Variants in KCNJ6 observed in about 807,000 individuals in gnomAD.
The protein encoded by KCNJ6 is potassium inwardly rectifying channel subfamily J member 6.
In KCNJ6, 9 loss-of-function variants were observed where a neutral mutation model predicts 34.2. The observed-to-expected ratio is 0.26, with a 90% CI of 0.16 to 0.46. KCNJ6 has a LOEUF of 0.46. Ranked by LOEUF, KCNJ6 falls within the 20% of genes least tolerant of loss-of-function variation. The pLI is 1.00. For synonymous variants in KCNJ6, 196 were observed against 207.1 expected (o/e 0.95, Z 0.46); for missense variants, 236 against 531.3 (o/e 0.44, Z 5.46).
At chr21:37,815,557 C>G (rs370236111) in intron 2 of KCNJ6, among the ~76,000 whole-genome samples, 1 of 152,148 alleles carries the variant, frequency 6.6e-6, no homozygotes, top group African/African-American at 2.4e-5. Flanking sequence ...CAGGGCTGAG[C>G]CCCCATAGTG....
chr21:37,754,249 G>A (rs1360773346), intron 2 of KCNJ6, among the ~76,000 whole-genome samples: 2 of 152,190 alleles, frequency 1.3e-5, no homozygotes, highest in East Asian at 3.9e-4. Flanking sequence ...CCAGAAAGGA[G>A]GGCTTCTGAG....
intron 3 of KCNJ6, among the ~76,000 whole-genome samples, chr21:37,697,192 C>T (rs985272369): frequency 2.0e-4 from 31 of 152,260 alleles, no homozygotes; most frequent in African/African-American, 7.2e-4. Context: ...GGAGAAATGT[C>T]ATTGACATGG....
chr21:37,635,087 A>G (rs1477532590), intron 3 of KCNJ6, among the ~76,000 whole-genome samples: 2 of 152,122 alleles, frequency 1.3e-5, no homozygotes, highest in Non-Finnish European at 2.9e-5. Context: ...TAAAGAAAGC[A>G]AGGGAATGTT....
At chr21:37,873,184 A>G (rs986361120) in intron 1 of KCNJ6, among the ~76,000 whole-genome samples, 2 of 152,216 alleles carry the variant, frequency 1.3e-5, no homozygotes, top group East Asian at 1.9e-4. Flanking sequence ...CCAGCACAAC[A>G]TCACCATCCC....
At chr21:37,889,014 A>T (rs181396700) in intron 1 of KCNJ6, among the ~76,000 whole-genome samples, 4 of 152,318 alleles carry the variant, frequency 2.6e-5, no homozygotes, top group African/African-American at 9.6e-5. Flanking sequence ...CCATAAGGCT[A>T]TGTCAGCCTT....
intron 3 of KCNJ6, among the ~76,000 whole-genome samples, chr21:37,697,762 C>T (rs7281444): frequency 0.013 from 2,038 of 152,242 alleles, 22 homozygotes; most frequent in Middle Eastern, 0.041. Context: ...GTTCCACAAT[C>T]GCCTGAGAGA....
intron 1 of KCNJ6, among the ~76,000 whole-genome samples, chr21:37,846,884 T>C (rs2055511412): frequency 6.6e-6 from 1 of 152,062 alleles, no homozygotes; most frequent in Non-Finnish European, 1.5e-5. Flanking sequence ...CCTCCTCACC[T>C]TCCCCCCTCC....
chr21:37,858,406 A>AAG (rs1204198420), intron 1 of KCNJ6, among the ~76,000 whole-genome samples: 12 of 150,666 alleles, frequency 8.0e-5, no homozygotes, highest in Admixed American at 6.0e-4. Context: ...AAAAAAAAAA[A>AAG]AAAAAAAAAA....
At chr21:37,733,505 C>T (rs1423325060) in intron 2 of KCNJ6, among the ~76,000 whole-genome samples, 1 of 152,164 alleles carries the variant, frequency 6.6e-6, no homozygotes, top group East Asian at 1.9e-4. Context: ...TGTTCTTTGG[C>T]CAGTGGCCAA....
At chr21:37,670,573 G>A (rs552599945) in intron 3 of KCNJ6, among the ~76,000 whole-genome samples, 21 of 152,196 alleles carry the variant, frequency 1.4e-4, no homozygotes, top group African/African-American at 5.1e-4. Context: ...GAAACCAGCC[G>A]GGGCAACGTG....
intron 3 of KCNJ6, among the ~76,000 whole-genome samples, chr21:37,626,782 T>C (rs1332912276): frequency 6.6e-6 from 1 of 152,256 alleles, no homozygotes; most frequent in Non-Finnish European, 1.5e-5. Flanking sequence ...TAGAGGCCCG[T>C]GAAAATGTTT....
chr21:37,878,761 G>C (rs1385863231), intron 1 of KCNJ6, among the ~76,000 whole-genome samples: 3 of 152,198 alleles, frequency 2.0e-5, no homozygotes, highest in Non-Finnish European at 4.4e-5. Context: ...GGGAAAGAGG[G>C]TCCGGGAGGG....
intron 2 of KCNJ6, among the ~76,000 whole-genome samples, chr21:37,787,318 A>G (rs750042965): frequency 1.8e-4 from 28 of 152,164 alleles, no homozygotes; most frequent in African/African-American, 6.0e-4. Flanking sequence ...GCTGAATAGT[A>G]TAACAGCTTC....
At chr21:37,897,018 G>A (rs1194467378) in intron 1 of KCNJ6, among the ~76,000 whole-genome samples, 1 of 152,228 alleles carries the variant, frequency 6.6e-6, no homozygotes, top group Non-Finnish European at 1.5e-5. Context: ...GAGCCAGGAG[G>A]GCAGCTGGTA....
intron 3 of KCNJ6, among the ~76,000 whole-genome samples, chr21:37,684,329 G>A (rs2054603777): frequency 6.9e-6 from 1 of 144,794 alleles, no homozygotes; most frequent in South Asian, 2.2e-4. Flanking sequence ...GCACATGTCT[G>A]TGTCCAAATT....
At chr21:37,787,444 G>T (rs1471863646) in intron 2 of KCNJ6, among the ~76,000 whole-genome samples, 1 of 152,142 alleles carries the variant, frequency 6.6e-6, no homozygotes, top group African/African-American at 2.4e-5. Flanking sequence ...CATAATACAT[G>T]CTGACTGTTT....
At chr21:37,662,420 G>A (rs1288505024) in intron 3 of KCNJ6, among the ~76,000 whole-genome samples, 1 of 152,148 alleles carries the variant, frequency 6.6e-6, no homozygotes, top group South Asian at 2.1e-4. Context: ...CTTCATCCAT[G>A]TCCCTGCAAA....
intron 2 of KCNJ6, among the ~76,000 whole-genome samples, chr21:37,827,385 T>C (rs2055404169): frequency 6.6e-6 from 1 of 152,236 alleles, no homozygotes; most frequent in Non-Finnish European, 1.5e-5. Context: ...TAAGGTGCAG[T>C]GTTACTTGTC....
chr21:37,640,683 C>G (rs1333817697), intron 3 of KCNJ6, among the ~76,000 whole-genome samples: 3 of 152,216 alleles, frequency 2.0e-5, no homozygotes, highest in Non-Finnish European at 4.4e-5. Context: ...TTTACATATA[C>G]TTGTTCTTTG....
Sources: allele counts gnomAD v4.1 joint callset (sites outside exome capture counted in the v4.1 genomes callset), GRCh38; gene constraint gnomAD v4.1.1; transcripts MANE v1.5; gene names NCBI Gene and HGNC (gene_info 2026-07-23, HGNC 2026-07-21).